Variants in KCNAB1 observed in about 807,000 individuals in gnomAD.
KCNAB1 encodes the protein potassium voltage-gated channel subfamily A regulatory beta subunit 1, also known as voltage-gated potassium channel subunit beta-1.
A neutral mutation model predicts 64.6 loss-of-function variants in KCNAB1; 35 were observed. The ratio of observed to expected loss-of-function variants is 0.54; its 90% CI spans 0.41 to 0.72. The LOEUF (loss-of-function observed/expected upper bound fraction) is 0.72, where lower values mean the gene tolerates loss of function less well. Ranked by LOEUF, KCNAB1 falls within the 30% of genes least tolerant of loss-of-function variation. The pLI, the probability that KCNAB1 is intolerant of heterozygous loss-of-function variation, is 0.00. For synonymous variants in KCNAB1, 177 were observed against 183.8 expected, an observed-to-expected ratio of 0.96 and a Z score of 0.30; for missense variants, 401 against 512.9, an observed-to-expected ratio of 0.78 and a Z score of 2.11.
At chr3:156,450,868 C>G (rs1222604727) in intron 2 of KCNAB1, among the ~76,000 whole-genome samples, 3 of 150,920 alleles carry the variant, frequency 2.0e-5, no homozygotes, top group Non-Finnish European at 4.4e-5. Context: ...CACCCACCCC[C>G]CCCCAAAAAA....
At chr3:156,361,390 A>G (rs767057127) in intron 1 of KCNAB1, among the ~76,000 whole-genome samples, 22 of 150,844 alleles carry the variant, frequency 1.5e-4, no homozygotes, top group Non-Finnish European at 2.2e-4. Context: ...TACTCCACAT[A>G]CCCCTTCCCT....
At chr3:156,119,915 C>G (rs1200458986), upstream of KCNAB1, among the ~76,000 whole-genome samples, 2 of 152,172 alleles carry the variant, frequency 1.3e-5, no homozygotes, top group Non-Finnish European at 2.9e-5. Flanking sequence ...TGGCCTTCAC[C>G]TTCCCAATTA....
At chr3:156,339,400 T>C (rs1293617615) in intron 1 of KCNAB1, among the ~76,000 whole-genome samples, 1 of 152,166 alleles carries the variant, frequency 6.6e-6, no homozygotes, top group Non-Finnish European at 1.5e-5. Context: ...GCCTACTCTG[T>C]GTTTATTTCT....
At position 156,166,530 on chromosome 3, in the gene KCNAB1, T is replaced by TATACAC. The variant is rs747637003; in HGVS notation, c.275+45645_275+45646insTACACA. 1.9e-3 allele frequency among the ~76,000 whole-genome samples: 289 copies of TATACAC among 148,912 alleles called. 2 individuals carry two copies. The highest frequency in any genetic ancestry group is 3.2e-3 in the Non-Finnish European group (215 of 67,004). On this transcript the variant is annotated intron_variant, in intron 1 of 13. Transcript: ENST00000490337. ...TAGACAAATTTAAAAAATACATATA[T>TATACAC]ACACACACACACACACACACACACA...
intron 1 of KCNAB1, among the ~76,000 whole-genome samples, chr3:156,368,788 C>T (rs1726117516): frequency 6.6e-6 from 1 of 152,146 alleles, no homozygotes; most frequent in Non-Finnish European, 1.5e-5. Context: ...TAACACAGTG[C>T]CCCGTGTACA....
intron 2 of KCNAB1, among the ~76,000 whole-genome samples, chr3:156,443,694 A>G (rs958664777): frequency 1.3e-5 from 2 of 151,980 alleles, no homozygotes; most frequent in Admixed American, 6.6e-5. Flanking sequence ...GTGCTGACAC[A>G]GAAACTTTAA....
chr3:156,524,861 A>G (rs891118202), intron 12 of KCNAB1, among the ~76,000 whole-genome samples: 1 of 151,970 alleles, frequency 6.6e-6, no homozygotes, highest in Non-Finnish European at 1.5e-5. Context: ...ACGACGGACA[A>G]CATATATGTA....
At chr3:156,470,929 A>G (rs1713838911) in intron 7 of KCNAB1, among the ~76,000 whole-genome samples, 1 of 152,226 alleles carries the variant, frequency 6.6e-6, no homozygotes, top group Admixed American at 6.5e-5. Flanking sequence ...AACGGGAGGC[A>G]CAGCCATATG....
intron 1 of KCNAB1, chr3:156,291,506 G>A: frequency 9.4e-7 from 1 of 1,066,144 alleles, no homozygotes; most frequent in South Asian, 3.2e-5. Context: ...TTCAGACACC[G>A]CGGACCGGCT....
chr3:156,366,340 A>G (rs1029940070), intron 1 of KCNAB1, among the ~76,000 whole-genome samples: 1 of 152,190 alleles, frequency 6.6e-6, no homozygotes, highest in Non-Finnish European at 1.5e-5. Flanking sequence ...CATGCATTAT[A>G]TGGCCATTTG....
chr3:156,172,455 C>CT (rs1357987673), intron 1 of KCNAB1, among the ~76,000 whole-genome samples: 2 of 152,008 alleles, frequency 1.3e-5, no homozygotes, highest in Non-Finnish European at 2.9e-5. Context: ...AATTTTTGTA[C>CT]TTTTTTTGGA....
chr3:156,238,822 A>T (rs1717005390), intron 1 of KCNAB1, among the ~76,000 whole-genome samples: 1 of 152,228 alleles, frequency 6.6e-6, no homozygotes, highest in Non-Finnish European at 1.5e-5. Context: ...ATATGAAATT[A>T]TGCATGAATC....
At chr3:156,262,282 A>G (rs1251122071) in intron 1 of KCNAB1, among the ~76,000 whole-genome samples, 2 of 151,982 alleles carry the variant, frequency 1.3e-5, no homozygotes, top group African/African-American at 4.8e-5. Context: ...CTTAGGGGAA[A>G]AACATTTAGT....
chr3:156,363,720 C>T (rs1725764388), intron 1 of KCNAB1, among the ~76,000 whole-genome samples: 1 of 152,182 alleles, frequency 6.6e-6, no homozygotes, highest in South Asian at 2.1e-4. Context: ...TCGTAATCTG[C>T]CTGCCTTGGC....
chr3:156,123,411 G>T (rs1713464648), intron 1 of KCNAB1, among the ~76,000 whole-genome samples: 1 of 152,190 alleles, frequency 6.6e-6, no homozygotes, highest in Admixed American at 6.5e-5. Context: ...TTTGAGGATT[G>T]CTTTATGTCC....
chr3:156,382,639 T>A (rs1028582420), intron 1 of KCNAB1, among the ~76,000 whole-genome samples: 2 of 152,292 alleles, frequency 1.3e-5, no homozygotes, highest in South Asian at 4.2e-4. Flanking sequence ...TTGCATTTTG[T>A]GGCCCCCTTG....
At chr3:156,367,187 T>C (rs1725999624) in intron 1 of KCNAB1, among the ~76,000 whole-genome samples, 1 of 150,334 alleles carries the variant, frequency 6.7e-6, no homozygotes, top group Non-Finnish European at 1.5e-5. Context: ...TTTTTTTTTT[T>C]TTTTCTGAGG....
chr3:156,449,220 T>C (rs544765835), intron 2 of KCNAB1, among the ~76,000 whole-genome samples: 2 of 152,350 alleles, frequency 1.3e-5, no homozygotes, highest in East Asian at 3.9e-4. Flanking sequence ...CAATTATTGC[T>C]ATATTTTTAT....
chr3:156,279,174 A>G (rs1355826032), intron 1 of KCNAB1, among the ~76,000 whole-genome samples: 2 of 142,266 alleles, frequency 1.4e-5, no homozygotes, highest in Non-Finnish European at 3.0e-5. Context: ...TGTCCATGTG[A>G]TCTCATTGTT....
Sources: gnomAD v4.1 joint callset for allele counts (sites outside exome capture counted in the v4.1 genomes callset) on GRCh38, gnomAD v4.1.1 for gene constraint, MANE v1.5 for transcripts, NCBI Gene and HGNC (gene_info 2026-07-23, HGNC 2026-07-21) for gene names.